Variants in CAST observed in about 807,000 individuals in gnomAD.
The protein encoded by CAST is calpastatin, also known as MIR583 host.
In CAST, 76 loss-of-function variants were observed where a neutral mutation model predicts 119.6. The ratio of observed to expected loss-of-function variants is 0.64; its 90% confidence interval spans 0.53 to 0.77. CAST has a LOEUF of 0.77. CAST is among the 30% of genes least tolerant of loss of function. The probability of loss-of-function intolerance (pLI) is 0.00; values close to 1 mark genes in which losing one functional copy is unlikely to be tolerated. For missense variants in CAST, 953 were observed against 946.5 expected (o/e 1.01, Z -0.09); for synonymous variants, 319 against 331.6 (o/e 0.96, Z 0.41).
At chr5:96,298,666 A>C in the CAST span, among the ~76,000 whole-genome samples, 4 of 152,212 alleles carry the variant, frequency 2.6e-5, no homozygotes, top group African/African-American at 7.2e-5. Context: ...TACACTTGAC[A>C]AATACATAGG....
chr5:96,603,832 A>G (rs1477794757), intron 1 of CAST, among the ~76,000 whole-genome samples: 1 of 131,222 alleles, frequency 7.6e-6, no homozygotes, highest in African/African-American at 3.0e-5. Context: ...TGGCATGATC[A>G]TGGCTCACTG....
chr5:96,101,642 T>C, the CAST span, among the ~76,000 whole-genome samples: 1 of 152,154 alleles, frequency 6.6e-6, no homozygotes, highest in African/African-American at 2.4e-5. Context: ...AAGTGCCTCA[T>C]TTATTTGACC....
chr5:96,170,319 G>C, the CAST span, among the ~76,000 whole-genome samples: 2 of 152,200 alleles, frequency 1.3e-5, no homozygotes, highest in South Asian at 2.1e-4. Flanking sequence ...TGGCCCAGTG[G>C]CCAGATTTCT....
chr5:96,750,222 A>G (rs1337158373), intron 19 of CAST, among the ~76,000 whole-genome samples: 1 of 152,204 alleles, frequency 6.6e-6, no homozygotes. Context: ...AATTGCTCAA[A>G]TGTATTGAGC....
chr5:96,662,591 G>A, intron 1 of CAST, 94 bp downstream of exon 1: 1 of 1,287,278 alleles, frequency 7.8e-7, no homozygotes, highest in East Asian at 3.2e-5. Flanking sequence ...CCAGGCTGGC[G>A]GGTCTGCAGT....
At chr5:96,235,724 T>C in the CAST span, among the ~76,000 whole-genome samples, 2 of 152,164 alleles carry the variant, frequency 1.3e-5, no homozygotes, top group African/African-American at 4.8e-5. Flanking sequence ...CATGACCTAG[T>C]TTCCTCCCTC....
the CAST span, among the ~76,000 whole-genome samples, chr5:96,001,210 C>T: frequency 6.6e-6 from 1 of 152,252 alleles, no homozygotes; most frequent in East Asian, 1.9e-4. Flanking sequence ...GTGAGGCACT[C>T]TTAAGCAAAG....
chr5:96,508,477 A>G, the CAST span, among the ~76,000 whole-genome samples: 20 of 152,180 alleles, frequency 1.3e-4, no homozygotes, highest in Non-Finnish European at 2.4e-4. Context: ...AAGCATACTG[A>G]ATTCACCACA....
chr5:96,302,278 C>G, the CAST span, among the ~76,000 whole-genome samples: 2 of 152,158 alleles, frequency 1.3e-5, no homozygotes, highest in African/African-American at 4.8e-5. Flanking sequence ...GGCACTGGGC[C>G]TGCTCACAAA....
intron 31 of CAST, chr5:96,772,054 C>T (rs368621793): frequency 1.1e-4 from 18 of 169,254 alleles, no homozygotes; most frequent in Admixed American, 1.9e-4. Context: ...TACAACTTAG[C>T]GAAATGTCCT....
the CAST span, among the ~76,000 whole-genome samples, chr5:96,024,797 A>G: frequency 6.6e-6 from 1 of 152,166 alleles, no homozygotes; most frequent in South Asian, 2.1e-4. Context: ...AAAGAAGTGC[A>G]TATTTTTTCC....
chr5:96,402,532 C>T, the CAST span, among the ~76,000 whole-genome samples: 1 of 152,126 alleles, frequency 6.6e-6, no homozygotes, highest in Non-Finnish European at 1.5e-5. Flanking sequence ...GGTCCCTCCC[C>T]GCCTCACACC....
the CAST span, among the ~76,000 whole-genome samples, chr5:96,268,360 G>A: frequency 6.6e-6 from 1 of 152,144 alleles, no homozygotes; most frequent in Admixed American, 6.6e-5. Flanking sequence ...ATTGCCTGAG[G>A]CAAGAAGTTC....
At chr5:96,145,632 G>C in the CAST span, among the ~76,000 whole-genome samples, 1 of 152,110 alleles carries the variant, frequency 6.6e-6, no homozygotes, top group African/African-American at 2.4e-5. Context: ...GAAATTTTTG[G>C]TAAGTAGAAC....
At chr5:96,399,006 AATG>A in the CAST span, 1 of 1,612,620 alleles carries the variant, frequency 6.2e-7, no homozygotes, top group Non-Finnish European at 8.5e-7. Flanking sequence ...TTGGAATTTC[AATG>A]ATAACTTCTC....
chr5:96,527,856 G>A (rs528622125), upstream of CAST, among the ~76,000 whole-genome samples: 27 of 151,552 alleles, frequency 1.8e-4, no homozygotes, highest in Admixed American at 2.0e-4. Flanking sequence ...TAGAACCAGA[G>A]GCATTTTGAG....
chr5:96,712,632 A>G (rs11738135), intron 3 of CAST, among the ~76,000 whole-genome samples: 21,190 of 152,216 alleles, frequency 0.14, 1,566 homozygotes, highest in Middle Eastern at 0.18. Flanking sequence ...CCCAGCGACC[A>G]TCTCTTTAAT....
At chr5:96,144,887 G>T in the CAST span, among the ~76,000 whole-genome samples, 1 of 152,030 alleles carries the variant, frequency 6.6e-6, no homozygotes, top group Non-Finnish European at 1.5e-5. Context: ...CACCATGTTT[G>T]CCACTTTTAT....
intron 17 of CAST, among the ~76,000 whole-genome samples, chr5:96,746,826 T>A (rs1763856003): frequency 6.6e-6 from 1 of 152,234 alleles, no homozygotes; most frequent in African/African-American, 2.4e-5. Context: ...GAAGGTGGTT[T>A]TGTTGCTGTT....
Sources: gnomAD v4.1 joint callset for allele counts (sites outside exome capture counted in the v4.1 genomes callset) on GRCh38, gnomAD v4.1.1 for gene constraint, MANE v1.5 for transcripts, NCBI Gene and HGNC (gene_info 2026-07-23, HGNC 2026-07-21) for gene names.